The following CNTNAP2 variants were observed in gnomAD, a reference collection of about 807,000 sequenced individuals.
CNTNAP2 encodes the protein contactin associated protein 2, also known as contactin-associated protein-like 2.
Under a neutral mutation model 155.2 loss-of-function variants are expected in CNTNAP2, and 98 were observed. The ratio of observed to expected loss-of-function variants is 0.63; its 90% CI spans 0.54 to 0.75. The LOEUF (loss-of-function observed/expected upper bound fraction) is 0.75, where lower values mean the gene tolerates loss of function less well. CNTNAP2 is among the 30% of genes least tolerant of loss of function. The pLI, the probability that CNTNAP2 is intolerant of heterozygous loss-of-function variation, is 0.00. For missense variants in CNTNAP2, 1,727 were observed against 1,688.1 expected (o/e 1.02, Z -0.40); for synonymous variants, 651 against 631.2 (o/e 1.03, Z -0.47).
At chr7:146,863,390 A>C (rs928431883) in intron 3 of CNTNAP2, among the ~76,000 whole-genome samples, 7 of 152,140 alleles carry the variant, frequency 4.6e-5, no homozygotes, top group Admixed American at 2.0e-4. Flanking sequence ...AAGAGTTATC[A>C]ATAGCTGATA....
At chr7:146,170,107 A>G (rs1798368631) in intron 1 of CNTNAP2, among the ~76,000 whole-genome samples, 1 of 150,432 alleles carries the variant, frequency 6.6e-6, no homozygotes, top group Non-Finnish European at 1.5e-5. Flanking sequence ...GCTCACTGCA[A>G]CCTCTGCCTC....
chr7:146,339,649 A>G (rs1226311486), intron 1 of CNTNAP2, among the ~76,000 whole-genome samples: 1 of 152,172 alleles, frequency 6.6e-6, no homozygotes, highest in Non-Finnish European at 1.5e-5. Context: ...ATGTAACTAG[A>G]GCTACTGGCA....
intron 10 of CNTNAP2, among the ~76,000 whole-genome samples, chr7:147,447,424 G>T (rs781780118): frequency 1.2e-4 from 19 of 152,092 alleles, no homozygotes; most frequent in African/African-American, 4.6e-4. Flanking sequence ...TTTACTTGCT[G>T]GTTTGTTTTG....
chr7:147,097,765 AAACT>A (rs1357222399), intron 4 of CNTNAP2, among the ~76,000 whole-genome samples: 3 of 152,226 alleles, frequency 2.0e-5, no homozygotes, highest in African/African-American at 4.8e-5. Context: ...AAGAAGTAAC[AAACT>A]AAGATTCTGT....
chr7:146,935,070 C>A (rs914669854), intron 3 of CNTNAP2, among the ~76,000 whole-genome samples: 1 of 152,144 alleles, frequency 6.6e-6, no homozygotes, highest in African/African-American at 2.4e-5. Context: ...AATTGAGAGG[C>A]GTCCCTCCAC....
intron 5 of CNTNAP2, among the ~76,000 whole-genome samples, chr7:147,118,562 CTG>C (rs1165716847): frequency 1.3e-5 from 2 of 151,234 alleles, no homozygotes; most frequent in African/African-American, 2.4e-5. Flanking sequence ...CTGAGAAATT[CTG>C]TGTGAGTTTC....
intron 21 of CNTNAP2, among the ~76,000 whole-genome samples, chr7:148,374,206 C>T (rs1637855): frequency 0.71 from 106,662 of 150,010 alleles, 38,984 homozygotes; most frequent in Admixed American, 0.8. Flanking sequence ...ATTTTTTTTT[C>T]TTCTCTTGGG....
intron 3 of CNTNAP2, among the ~76,000 whole-genome samples, chr7:146,932,712 T>A (rs1469365561): frequency 6.6e-6 from 1 of 152,190 alleles, no homozygotes; most frequent in Non-Finnish European, 1.5e-5. Flanking sequence ...CAAAATCTCC[T>A]TAAGCTGATA....
At chr7:147,785,138 A>C (rs1797720975) in intron 13 of CNTNAP2, among the ~76,000 whole-genome samples, 1 of 152,140 alleles carries the variant, frequency 6.6e-6, no homozygotes, top group South Asian at 2.1e-4. Context: ...ATGAGACATA[A>C]ATTTTGAGGT....
At chr7:147,272,984 A>G (rs1228829942) in intron 8 of CNTNAP2, among the ~76,000 whole-genome samples, 2 of 151,922 alleles carry the variant, frequency 1.3e-5, no homozygotes, top group Non-Finnish European at 2.9e-5. Flanking sequence ...AGTCTTAAGG[A>G]CACTCCTGTT....
At chr7:147,645,806 G>T (rs764933511) in intron 13 of CNTNAP2, among the ~76,000 whole-genome samples, 1 of 152,180 alleles carries the variant, frequency 6.6e-6, no homozygotes, top group Non-Finnish European at 1.5e-5. Flanking sequence ...TTCTGGGTTA[G>T]CGATGTCAGC....
At chr7:147,207,065 A>G (rs904782265) in intron 8 of CNTNAP2, among the ~76,000 whole-genome samples, 2 of 152,190 alleles carry the variant, frequency 1.3e-5, no homozygotes, top group African/African-American at 4.8e-5. Context: ...CCCTAGAGCA[A>G]TAGTGACTTC....
At chr7:146,133,547 G>A (rs990404776) in intron 1 of CNTNAP2, among the ~76,000 whole-genome samples, 3 of 152,132 alleles carry the variant, frequency 2.0e-5, no homozygotes, top group African/African-American at 7.2e-5. Flanking sequence ...ATGGTTTTAG[G>A]TCTAATGTTT....
chr7:148,092,159 G>A (rs1264802796), intron 15 of CNTNAP2, among the ~76,000 whole-genome samples: 1 of 152,212 alleles, frequency 6.6e-6, no homozygotes, highest in African/African-American at 2.4e-5. Context: ...TGGAAACCCA[G>A]TCTGCTTTAT....
chr7:147,244,090 T>G (rs544923792), intron 8 of CNTNAP2, among the ~76,000 whole-genome samples: 2 of 152,304 alleles, frequency 1.3e-5, no homozygotes, highest in East Asian at 3.9e-4. Flanking sequence ...CAACTGTCAT[T>G]CTCTCCCAAG....
At chr7:146,640,811 C>T (rs1256414338) in intron 1 of CNTNAP2, among the ~76,000 whole-genome samples, 1 of 151,972 alleles carries the variant, frequency 6.6e-6, no homozygotes, top group Non-Finnish European at 1.5e-5. Flanking sequence ...TGTTGATTTT[C>T]TGCAAAGGAA....
intron 3 of CNTNAP2, among the ~76,000 whole-genome samples, chr7:146,974,601 T>C (rs912392274): frequency 3.3e-5 from 5 of 152,146 alleles, no homozygotes; most frequent in East Asian, 1.9e-4. Flanking sequence ...TCTCTCCAAA[T>C]TGGAAATTAG....
chr7:146,323,409 G>A (rs1361147661), intron 1 of CNTNAP2, among the ~76,000 whole-genome samples: 2 of 151,962 alleles, frequency 1.3e-5, no homozygotes, highest in African/African-American at 4.8e-5. Flanking sequence ...CGAGTATAAT[G>A]CTGACCAAAC....
chr7:147,208,048 A>C (rs1803057085), intron 8 of CNTNAP2, among the ~76,000 whole-genome samples: 1 of 152,170 alleles, frequency 6.6e-6, no homozygotes, highest in Non-Finnish European at 1.5e-5. Flanking sequence ...ACAAACAGTC[A>C]ATACTTTAAA....
Sources: allele counts gnomAD v4.1 joint callset (sites outside exome capture counted in the v4.1 genomes callset), GRCh38; gene constraint gnomAD v4.1.1; transcripts MANE v1.5; gene names NCBI Gene and HGNC (gene_info 2026-07-23, HGNC 2026-07-21).